LAMP5: variants seen among roughly 807,000 people sequenced by gnomAD.
LAMP5 encodes the protein lysosome-associated membrane glycoprotein 5.
In LAMP5, 36 loss-of-function variants were observed where a neutral mutation model predicts 30.2. The ratio of observed to expected loss-of-function variants is 1.19; its 90% CI spans 0.91 to 1.57. The LOEUF (loss-of-function observed/expected upper bound fraction) is 1.57. Ranked by LOEUF, LAMP5 falls within the 40% of genes most tolerant of loss-of-function variation. The pLI is 0.00. For missense variants in LAMP5, 377 were observed against 354.9 expected, an observed-to-expected ratio of 1.06 and a Z score of -0.50; for synonymous variants, 149 against 134.6, an observed-to-expected ratio of 1.11 and a Z score of -0.74.
chr20:9,514,810 C>T lies in LAMP5; in HGVS notation c.-43C>T. On this transcript the variant is annotated 5_prime_UTR_variant, in exon 1 of 6. Coordinates refer to ENST00000246070, the MANE Select transcript of LAMP5 (RefSeq NM_012261.4). ...CTTTGAGGGATTCCCTCTCTGGCGG[C>T]CTCTGCAGCAGCACAGCCGGCCTCA... The T allele has an allele frequency of 6.3e-7, 1 of 1,597,628 alleles. No homozygotes were observed. The highest frequency in any genetic ancestry group is 8.6e-7 in the Non-Finnish European group (1 of 1,165,490).
At chr20:9,515,901 C>T (rs2045033735) in intron 2 of LAMP5, 99 bp from the exon 3 acceptor site, 7 of 1,338,678 alleles carry the variant, frequency 5.2e-6, no homozygotes, top group East Asian at 2.6e-5. Flanking sequence ...CGCAAAGGAG[C>T]GCCCAAGCGT....
At position 9,522,261 on chromosome 20, in the gene LAMP5, T is replaced by G. The variant is rs2045084078; in HGVS notation, c.664+4033T>G. On this transcript the variant is annotated intron_variant, in intron 5 of 5. Transcript: ENST00000246070. ...ATTGGGAGACGCCACTTAATCTGTATTTTACCCAGATCTGCGGGAACTTTA... is the reference window on the plus strand; with the variant it reads ...ATTGGGAGACGCCACTTAATCTGTAGTTTACCCAGATCTGCGGGAACTTTA... 2.6e-5 allele frequency among the ~76,000 whole-genome samples: 4 copies of G among 152,302 alleles called. No homozygotes were observed. The Middle Eastern group carries it at 0.014, about 518-fold the overall frequency.
intron 2 of LAMP5, 39 bp from the exon 3 acceptor site, chr20:9,515,961 C>T (rs951736043): frequency 5.5e-6 from 8 of 1,467,246 alleles, no homozygotes; most frequent in South Asian, 4.5e-5. Context: ...GCCCCGGGGC[C>T]GGGCGAGCTG....
chr20:9,518,443 TCCCCGTTTA>T (rs2045058040), intron 5 of LAMP5, among the ~76,000 whole-genome samples: 2 of 152,210 alleles, frequency 1.3e-5, no homozygotes, highest in South Asian at 4.1e-4. Flanking sequence ...CCCAGCCTCC[TCCCCGTTTA>T]CCTTCACTTT....
At chr20:9,528,660 T>C (rs542939852) in intron 5 of LAMP5, among the ~76,000 whole-genome samples, 1 of 152,298 alleles carries the variant, frequency 6.6e-6, no homozygotes, top group East Asian at 1.9e-4. Context: ...CTAAAATGTA[T>C]GGTTTAATGC....
rs553727598 is a variant in LAMP5 at position 9,514,755 on chromosome 20, C to G, written c.-98C>G. ...CCTCCCCCTTCTCTGTCCCCCGCCT[C>G]TCGCTCACCCCGGCCCACTCCAGCG... On this transcript the variant is annotated 5_prime_UTR_variant, in exon 1 of 6. Coordinates refer to ENST00000246070, the MANE Select transcript of LAMP5 (RefSeq NM_012261.4). 45 of 1,086,288 alleles carry G rather than the reference C, an allele frequency of 4.1e-5. No homozygotes were observed. The African/African-American group carries it at 6.7e-4, about 16-fold the overall frequency. The allele number at this position is 1,086,288 out of a possible 1,614,324, so 67.3% of individuals were successfully genotyped here.
chr20:9,529,087 T>C (rs1435118584), intron 5 of LAMP5, among the ~76,000 whole-genome samples: 1 of 152,230 alleles, frequency 6.6e-6, no homozygotes, highest in Non-Finnish European at 1.5e-5. Context: ...CTGTTGACTA[T>C]GTTTTCATTT....
chr20:9,518,303 C>A, intron 5 of LAMP5, 75 bp downstream of exon 5: 1 of 1,334,004 alleles, frequency 7.5e-7, no homozygotes, highest in Non-Finnish European at 1.1e-6. Context: ...CTACCAGGGC[C>A]CCAGGATGTT....
chr20:9,517,844 C>A (rs968742528), intron 4 of LAMP5, among the ~76,000 whole-genome samples, 196 bp from the exon 5 acceptor site: 3 of 152,114 alleles, frequency 2.0e-5, no homozygotes, highest in African/African-American at 4.8e-5. Context: ...ATTGAAAGAG[C>A]CCTGGCTCTC....
chr20:9,515,861 C>T (rs1264960837), intron 2 of LAMP5, 139 bp from the exon 3 acceptor site: 4 of 1,062,506 alleles, frequency 3.8e-6, no homozygotes, highest in Admixed American at 3.2e-5. Context: ...AGCATCTAAC[C>T]GCATGTTCCC....
chr20:9,514,775 C>A lies in LAMP5; in HGVS notation c.-78C>A. The A allele has an allele frequency of 7.2e-7, 1 of 1,393,746 alleles. No homozygotes were observed. The highest frequency in any genetic ancestry group is 1.0e-6 in the Non-Finnish European group (1 of 987,566). The allele number at this position is 1,393,746 out of a possible 1,614,324, so 86.3% of individuals were successfully genotyped here. A position where few individuals can be genotyped will look rare whatever the true frequency, so the allele number is the denominator to read the frequency against. On this transcript the variant is annotated 5_prime_UTR_variant, in exon 1 of 6. Transcript: ENST00000246070. ...CGCCTCTCGCTCACCCCGGCCCACT[C>A]CAGCGGCGACTTTGAGGGATTCCCT...
intron 5 of LAMP5, among the ~76,000 whole-genome samples, chr20:9,522,344 C>T (rs969962265): frequency 2.0e-5 from 3 of 152,168 alleles, no homozygotes; most frequent in Admixed American, 6.5e-5. Flanking sequence ...CCCAGTAGAG[C>T]GTCCTGTGGC....
chr20:9,526,680 A>T (rs1207072445), intron 5 of LAMP5, among the ~76,000 whole-genome samples: 1 of 152,018 alleles, frequency 6.6e-6, no homozygotes, highest in Non-Finnish European at 1.5e-5. Context: ...AAGTTTCCTG[A>T]AAATTCTTTT....
At chr20:9,528,436 T>C (rs2045128723) in intron 5 of LAMP5, among the ~76,000 whole-genome samples, 1 of 152,108 alleles carries the variant, frequency 6.6e-6, no homozygotes, top group South Asian at 2.1e-4. Flanking sequence ...AGGGTGACTA[T>C]AGTTAACAAC....
intron 5 of LAMP5, among the ~76,000 whole-genome samples, chr20:9,528,254 A>C (rs1043867777): frequency 6.6e-6 from 1 of 151,918 alleles, no homozygotes; most frequent in Non-Finnish European, 1.5e-5. Flanking sequence ...CAATAGATTG[A>C]CCTCAGAGAG....
rs376789838 is a variant in LAMP5 at position 9,517,286 on chromosome 20, G to A, written c.476-754G>A. The stretch of plus-strand genomic sequence containing the variant: ...GAGCAATGGGAGGCAGACCTTCAGA[G>A]GGGATGTATGTGTGTAAGGACAAGC... On this transcript the variant is annotated intron_variant, in intron 4 of 5. Transcript: ENST00000246070. Among the ~76,000 whole-genome samples the A allele has an allele frequency of 1.2e-4, 19 of 152,326 alleles. No individual in the cohort carries two copies. In the South Asian group the frequency reaches 3.9e-3, roughly 32 times the overall value.
Position 9,516,143 on chromosome 20 carries a change from C to G in LAMP5, c.369+12C>G. On this transcript the variant is annotated intron_variant, in intron 3 of 5. Transcript: ENST00000246070. Reference sequence around the variant, plus strand: ...TGCTCTTTGTAAAGGTAACTCCGAGCCCAGCGGGCAGAGGGGCCGCAGGCT... The same window carrying G: ...TGCTCTTTGTAAAGGTAACTCCGAGGCCAGCGGGCAGAGGGGCCGCAGGCT... 3 of 1,573,094 alleles carry G rather than the reference C, an allele frequency of 1.9e-6. No individual in the cohort carries two copies. The highest frequency in any genetic ancestry group is 2.6e-6 in the Non-Finnish European group (3 of 1,160,890).
intron 5 of LAMP5, among the ~76,000 whole-genome samples, chr20:9,522,645 C>G (rs2045086544): frequency 6.6e-6 from 1 of 152,206 alleles, no homozygotes; most frequent in Non-Finnish European, 1.5e-5. Context: ...TCAGAATTAT[C>G]TCACCTGAGG....
In LAMP5 at chr20:9,518,132, C is replaced by T. The variant is rs368605444; in HGVS notation, c.568C>T (p.Leu190=). The change falls in exon 5 of 6, where the codon CTG becomes TTG. Residue 190 remains leucine (L), a synonymous_variant. Coordinates refer to ENST00000246070, the MANE Select transcript of LAMP5 (RefSeq NM_012261.4). ...GTGTCAAGCTCAACAAACCATTTCA[C>T]TGGCCTCTAGTGATCCGCAGAAGAC... ...YECQAQQTIS[L]ASSDPQKTVT... The T allele has an allele frequency of 5.2e-4, 842 of 1,614,088 alleles. No individual in the cohort carries two copies. Among genetic ancestry groups the T allele is most frequent in the Non-Finnish European group, 6.8e-4 (803 of 1,180,024 alleles).
Sources: allele counts gnomAD v4.1 joint callset (sites outside exome capture counted in the v4.1 genomes callset), GRCh38; gene constraint gnomAD v4.1.1; transcripts MANE v1.5; gene names NCBI Gene and HGNC (gene_info 2026-07-23, HGNC 2026-07-21).